GPM6A: variants seen among roughly 807,000 people sequenced by gnomAD.
GPM6A encodes neuronal membrane glycoprotein M6-a.
A neutral mutation model predicts 32.1 loss-of-function variants in GPM6A; 7 were observed. The ratio of observed to expected loss-of-function variants is 0.22; its 90% CI spans 0.12 to 0.41. The LOEUF (loss-of-function observed/expected upper bound fraction) is 0.41, where lower values mean the gene tolerates loss of function less well. Among genes scored for constraint, GPM6A ranks in the 10% least tolerant of loss-of-function variants. The pLI, the probability that GPM6A is intolerant of heterozygous loss-of-function variation, is 1.00. For synonymous variants in GPM6A, 130 were observed against 123.4 expected, an observed-to-expected ratio of 1.05 and a Z score of -0.35; for missense variants, 235 against 347.2, an observed-to-expected ratio of 0.68 and a Z score of 2.57.
At chr4:175,842,443 A>G (rs1431735576) in intron 1 of GPM6A, among the ~76,000 whole-genome samples, 1 of 152,142 alleles carries the variant, frequency 6.6e-6, no homozygotes, top group East Asian at 1.9e-4. Flanking sequence ...CCATAGGAAA[A>G]ATAAACAGGC....
At chr4:175,972,218 AT>A (rs1314992559) in intron 1 of GPM6A, among the ~76,000 whole-genome samples, 13 of 152,284 alleles carry the variant, frequency 8.5e-5, no homozygotes, top group Admixed American at 3.9e-4. Context: ...GCAATAGAAG[AT>A]TTTTTTAAAA....
intron 1 of GPM6A, among the ~76,000 whole-genome samples, chr4:175,905,944 G>A (rs1340350521): frequency 6.6e-6 from 1 of 152,052 alleles, no homozygotes; most frequent in African/African-American, 2.4e-5. Context: ...GGTGTGGACC[G>A]CATTTCCCTG....
chr4:175,913,931 C>T (rs576401514), intron 1 of GPM6A, among the ~76,000 whole-genome samples: 1 of 152,274 alleles, frequency 6.6e-6, no homozygotes, highest in South Asian at 2.1e-4. Flanking sequence ...TCACCATTGA[C>T]ATCATCAATT....
intron 6 of GPM6A, among the ~76,000 whole-genome samples, chr4:175,639,049 T>G (rs1740978736): frequency 6.6e-6 from 1 of 151,478 alleles, no homozygotes; most frequent in African/African-American, 2.4e-5. Context: ...ATATAGAGGT[T>G]TATTCTATAT....
chr4:175,975,802 A>C, intron 1 of GPM6A, among the ~76,000 whole-genome samples: 1 of 152,358 alleles, frequency 6.6e-6, no homozygotes. Context: ...CTTCAGTGTG[A>C]AAATTAGTTT....
intron 1 of GPM6A, among the ~76,000 whole-genome samples, chr4:175,984,539 T>A (rs971084185): frequency 1.3e-5 from 2 of 152,190 alleles, no homozygotes; most frequent in African/African-American, 4.8e-5. Flanking sequence ...GTTATTTATA[T>A]ATTCTTAACA....
rs573968440 is a variant in GPM6A at position 175,747,406 on chromosome 4, T to C, written c.38-45639A>G. On this transcript the variant is annotated intron_variant, in intron 1 of 6. Coordinates refer to ENST00000393658, the MANE Select transcript of GPM6A (RefSeq NM_201591.3). ...GAATACTGCTATACATACAGTAGTA[T>C]GCACTATGCTTTAAATAGCTCTAAA... is the stretch of plus-strand genomic sequence containing the variant. Among the ~76,000 whole-genome samples, 307 of 152,238 alleles carry C rather than the reference T, an allele frequency of 2.0e-3. 1 individual carries two copies. Among genetic ancestry groups the C allele is most frequent in the African/African-American group, 6.8e-3 (283 of 41,542 alleles).
chr4:175,962,235 A>ATTGACC, intron 1 of GPM6A: 1 of 1,339,938 alleles, frequency 7.5e-7, no homozygotes, highest in Non-Finnish European at 1.1e-6. Context: ...ACAAGAGAAC[A>ATTGACC]TTGACCTCCT....
chr4:175,730,129 G>A (rs1430477126), intron 1 of GPM6A, among the ~76,000 whole-genome samples: 1 of 151,910 alleles, frequency 6.6e-6, no homozygotes, highest in African/African-American at 2.4e-5. Flanking sequence ...TACTCTGCAT[G>A]CCCTTCTGGC....
intron 1 of GPM6A, among the ~76,000 whole-genome samples, chr4:175,850,336 A>G (rs1446923934): frequency 6.6e-6 from 1 of 152,192 alleles, no homozygotes; most frequent in Admixed American, 6.5e-5. Context: ...AAGACAGAGG[A>G]AAAAATGGAA....
At position 175,897,475 on chromosome 4, in the gene GPM6A, G is replaced by C. The variant is rs185607956; in HGVS notation, c.-22-85226C>G. On this transcript the variant is annotated intron_variant, in intron 1 of 7. Coordinates refer to the GPM6A transcript ENST00000280187. The stretch of plus-strand genomic sequence containing the variant: ...GTATATTGAGAAGGGGAGAGGTGAG[G>C]AATGGACCTTCCTTCATGCAGTCCA... Among the ~76,000 whole-genome samples, 169 of 152,192 alleles carry C rather than the reference G, an allele frequency of 1.1e-3. 5 individuals carry two copies. The highest frequency in any genetic ancestry group is 2.5e-4 in the Non-Finnish European group (17 of 68,004).
In GPM6A at chr4:175,709,426, T is replaced by C. The variant is rs1219141940; in HGVS notation, c.38-7659A>G. ...CAGGACAACCTATGTTTTACACTCT[T>C]TGTTTGCTATTAAAATAAACAGGCT... is the stretch of plus-strand genomic sequence containing the variant. On this transcript the variant is annotated intron_variant, in intron 1 of 6. Transcript: ENST00000393658. Among the ~76,000 whole-genome samples the C allele has an allele frequency of 5.9e-5, 9 of 152,066 alleles. No homozygotes were observed. In the East Asian group the frequency reaches 1.5e-3, roughly 26 times the overall value.
chr4:175,934,627 G>A (rs935920563), intron 1 of GPM6A, among the ~76,000 whole-genome samples: 19 of 151,892 alleles, frequency 1.3e-4, no homozygotes, highest in African/African-American at 4.4e-4. Context: ...AAATTTATGG[G>A]GTGTTTGAAA....
intron 1 of GPM6A, among the ~76,000 whole-genome samples, chr4:175,888,008 C>A (rs988891640): frequency 6.6e-6 from 1 of 151,790 alleles, no homozygotes; most frequent in African/African-American, 2.4e-5. Flanking sequence ...ATCTTAATAC[C>A]AAAGACAGGT....
intron 1 of GPM6A, among the ~76,000 whole-genome samples, chr4:175,967,966 G>C (rs937553221): frequency 2.0e-5 from 3 of 152,106 alleles, no homozygotes; most frequent in African/African-American, 7.2e-5. Flanking sequence ...TCAACAGCAC[G>C]ATGTTGAAGG....
At chr4:175,989,310 ATAGC>A (rs1741068784) in intron 1 of GPM6A, among the ~76,000 whole-genome samples, 1 of 152,200 alleles carries the variant, frequency 6.6e-6, no homozygotes, top group African/African-American at 2.4e-5. Context: ...CCCAAGGATA[ATAGC>A]CTCTTTAAAC....
chr4:175,812,339 T>TTTTTTTA, upstream of GPM6A: 8 of 1,304,898 alleles, frequency 6.1e-6, no homozygotes, highest in Non-Finnish European at 8.0e-6. Context: ...TTTTTTTTTT[T>TTTTTTTA]TCCTGGGAAG....
At chr4:175,973,379 T>C (rs532986178) in intron 1 of GPM6A, among the ~76,000 whole-genome samples, 1 of 152,382 alleles carries the variant, frequency 6.6e-6, no homozygotes, top group South Asian at 2.1e-4. Flanking sequence ...TAACATATTG[T>C]TGTTTTCAGT....
At chr4:175,661,775 T>C (rs1448106664) in intron 3 of GPM6A, among the ~76,000 whole-genome samples, 1 of 152,186 alleles carries the variant, frequency 6.6e-6, no homozygotes. Flanking sequence ...ATACAGGACA[T>C]AATTTATATG....
Sources: allele counts gnomAD v4.1 joint callset (sites outside exome capture counted in the v4.1 genomes callset), GRCh38; gene constraint gnomAD v4.1.1; transcripts MANE v1.5; gene names NCBI Gene and HGNC (gene_info 2026-07-23, HGNC 2026-07-21).